Variants in THADA observed in about 807,000 individuals in gnomAD.
THADA encodes tRNA (32-2'-O)-methyltransferase regulator THADA.
THADA carries 213 observed loss-of-function variants against 219.8 expected under a neutral mutation model. That is an observed-to-expected ratio of 0.97 (90% confidence interval 0.87 to 1.09). THADA has a LOEUF of 1.09. Ranked by LOEUF, THADA falls within the 50% of genes least tolerant of loss-of-function variation. The pLI is 0.00. For synonymous variants in THADA, 1,018 were observed against 828.9 expected (o/e 1.23, Z -3.92); for missense variants, 2,956 against 2,311.3 (o/e 1.28, Z -5.72).
At chr2:43,583,563 T>A (rs1333797822) in intron 7 of THADA, among the ~76,000 whole-genome samples, 2 of 152,200 alleles carry the variant, frequency 1.3e-5, no homozygotes, top group Non-Finnish European at 2.9e-5. Flanking sequence ...CTCCTACGTA[T>A]ATACCCAAAA....
chr2:43,232,159 GCTT>G (rs1381636173), intron 37 of THADA, among the ~76,000 whole-genome samples: 7 of 151,942 alleles, frequency 4.6e-5, no homozygotes, highest in African/African-American at 1.2e-4. Flanking sequence ...GCATCCAGGG[GCTT>G]CTTTTTTTCT....
At chr2:43,473,800 G>C (rs1573830206) in intron 26 of THADA, among the ~76,000 whole-genome samples, 1 of 152,064 alleles carries the variant, frequency 6.6e-6, no homozygotes, top group South Asian at 2.1e-4. Context: ...GTAGAGACGA[G>C]GTTTCACCAT....
chr2:43,492,798 G>A (rs901247512), intron 25 of THADA, among the ~76,000 whole-genome samples: 6 of 152,204 alleles, frequency 3.9e-5, no homozygotes, highest in African/African-American at 1.4e-4. Context: ...GGCCAGCCAT[G>A]TCCTAGAGTT....
intron 30 of THADA, among the ~76,000 whole-genome samples, chr2:43,339,328 T>TG (rs1374646053): frequency 6.6e-6 from 1 of 152,250 alleles, no homozygotes; most frequent in Admixed American, 6.5e-5. Context: ...TTGCTCGGGT[T>TG]GGAATGCAGT....
chr2:43,547,741 A>G (rs904627692), intron 20 of THADA, among the ~76,000 whole-genome samples: 1 of 151,896 alleles, frequency 6.6e-6, no homozygotes. Flanking sequence ...ACTTCTCTGT[A>G]TTGGTTATTC....
rs1202261942 is a variant in THADA, at chr2:43,230,918, A to G, written c.*30T>C. On this transcript the variant is annotated 3_prime_UTR_variant, in exon 38 of 38. Transcript: ENST00000405975. ...GATTTAGTGGAGGAAAAATCCACAC[A>G]TACCCCCATCCCAATCCCCCAGATT... 1.3e-6 allele frequency: 2 copies of G among 1,572,180 alleles called. No homozygotes were observed. Among genetic ancestry groups the G allele is most frequent in the African/African-American group, 2.7e-5 (2 of 73,598 alleles).
intron 35 of THADA, among the ~76,000 whole-genome samples, chr2:43,286,359 A>T (rs772107255): frequency 2.7e-4 from 41 of 152,322 alleles, no homozygotes; most frequent in Non-Finnish European, 5.0e-4. Flanking sequence ...TAAATAGTGG[A>T]CTGAAATTAT....
At chr2:43,237,709 A>G (rs1479398155) in intron 36 of THADA, among the ~76,000 whole-genome samples, 1 of 151,618 alleles carries the variant, frequency 6.6e-6, no homozygotes, top group African/African-American at 2.4e-5. Context: ...TTGAGCCACC[A>G]CGCTTGGCCT....
chr2:43,542,702 G>T (rs1695483076), intron 20 of THADA, among the ~76,000 whole-genome samples: 1 of 152,036 alleles, frequency 6.6e-6, no homozygotes, highest in African/African-American at 2.4e-5. Flanking sequence ...CACATTGCTG[G>T]GAGAAGTTGA....
At chr2:43,450,926 G>C (rs916041108) in intron 26 of THADA, among the ~76,000 whole-genome samples, 2 of 152,120 alleles carry the variant, frequency 1.3e-5, no homozygotes, top group Non-Finnish European at 2.9e-5. Flanking sequence ...GTAGAATGGT[G>C]GTTACTGGGG....
chr2:43,287,143 C>T (rs1216797080), intron 34 of THADA, 82 bp from the exon 35 acceptor site: 1 of 1,350,992 alleles, frequency 7.4e-7, no homozygotes, highest in Non-Finnish European at 1.0e-6. Flanking sequence ...CTACACCAAA[C>T]TGGGCCTGTA....
At chr2:43,591,392 G>A (rs1056772613) in intron 3 of THADA, among the ~76,000 whole-genome samples, 1 of 152,074 alleles carries the variant, frequency 6.6e-6, no homozygotes, top group African/African-American at 2.4e-5. Context: ...CAAGGATACT[G>A]ATTTAAACAC....
intron 28 of THADA, among the ~76,000 whole-genome samples, chr2:43,407,166 T>C (rs550688034): frequency 4.6e-4 from 70 of 152,276 alleles, no homozygotes; most frequent in African/African-American, 1.6e-3. Flanking sequence ...CAGTTGAAAC[T>C]CACACCATTA....
chr2:43,593,412 A>T (rs1166320325), intron 1 of THADA, among the ~76,000 whole-genome samples: 1 of 152,162 alleles, frequency 6.6e-6, no homozygotes, highest in African/African-American at 2.4e-5. Flanking sequence ...GCCAGGTGAC[A>T]TGTAGAGCAT....
At chr2:43,539,481 T>C (rs1006061510) in intron 21 of THADA, among the ~76,000 whole-genome samples, 1 of 152,378 alleles carries the variant, frequency 6.6e-6, no homozygotes, top group Non-Finnish European at 1.5e-5. Flanking sequence ...TTGATGACTT[T>C]GGATTTTTAT....
chr2:43,347,169 T>C (rs1199206807), intron 29 of THADA, among the ~76,000 whole-genome samples: 1 of 152,192 alleles, frequency 6.6e-6, no homozygotes, highest in East Asian at 1.9e-4. Context: ...CGGGCAGAGA[T>C]AGGTGTAAAC....
At chr2:43,524,598 A>G (rs1012186305) in intron 22 of THADA, among the ~76,000 whole-genome samples, 1 of 152,244 alleles carries the variant, frequency 6.6e-6, no homozygotes, top group Non-Finnish European at 1.5e-5. Flanking sequence ...GCTCCAAAAG[A>G]AACAAATTTT....
At chr2:43,404,357 T>A (rs1675265257) in intron 28 of THADA, among the ~76,000 whole-genome samples, 1 of 151,164 alleles carries the variant, frequency 6.6e-6, no homozygotes, top group Non-Finnish European at 1.5e-5. Context: ...CAGGCCTAGC[T>A]AATTTTCTTT....
intron 1 of THADA, among the ~76,000 whole-genome samples, chr2:43,594,998 A>C (rs936298419): frequency 6.6e-6 from 1 of 152,204 alleles, no homozygotes; most frequent in Admixed American, 6.5e-5. Flanking sequence ...CTAGTAGCAA[A>C]CTGAATGAAG....
Sources: allele counts gnomAD v4.1 joint callset (sites outside exome capture counted in the v4.1 genomes callset), GRCh38; gene constraint gnomAD v4.1.1; transcripts MANE v1.5; gene names NCBI Gene and HGNC (gene_info 2026-07-23, HGNC 2026-07-21).